The following CCDC7 variants were observed in gnomAD, a reference collection of about 807,000 sequenced individuals.
CCDC7 encodes the protein coiled-coil domain-containing protein 7.
CCDC7 carries 183 observed loss-of-function variants against 196.9 expected under a neutral mutation model. The ratio of observed to expected loss-of-function variants is 0.93; its 90% confidence interval spans 0.82 to 1.05. The LOEUF is 1.05. Among genes scored for constraint, CCDC7 ranks in the 50% least tolerant of loss-of-function variants. The pLI is 0.00. For synonymous variants in CCDC7, 525 were observed against 484.6 expected (o/e 1.08, Z -1.10); for missense variants, 1,540 against 1,482.2 (o/e 1.04, Z -0.64).
chr10:32,782,163 AG>A (rs1388637674), intron 29 of CCDC7, among the ~76,000 whole-genome samples: 4 of 152,210 alleles, frequency 2.6e-5, no homozygotes, highest in Admixed American at 2.0e-4. Flanking sequence ...AAAACAATTA[AG>A]AAGACATAAA....
intron 8 of CCDC7, among the ~76,000 whole-genome samples, chr10:32,482,769 A>G (rs1011793507): frequency 5.3e-5 from 8 of 151,740 alleles, no homozygotes; most frequent in Admixed American, 1.3e-4. Context: ...TGTCCTTGCG[A>G]TAGTTTGCTG....
chr10:32,640,606 A>G (rs528278644), intron 20 of CCDC7, among the ~76,000 whole-genome samples: 1 of 152,204 alleles, frequency 6.6e-6, no homozygotes, highest in Non-Finnish European at 1.5e-5. Flanking sequence ...CCTAGCCTCT[A>G]TGGTCTTTAC....
chr10:32,678,774 G>A (rs528921148), intron 21 of CCDC7, among the ~76,000 whole-genome samples: 1 of 152,300 alleles, frequency 6.6e-6, no homozygotes, highest in African/African-American at 2.4e-5. Flanking sequence ...CTTGGGGAAG[G>A]TGTGACATGA....
rs181375405 is a variant in CCDC7, at chr10:32,755,189, G to A, written c.2906-23788G>A. Among the ~76,000 whole-genome samples the A allele has an allele frequency of 2.0e-3, 298 of 152,308 alleles. 1 individual carries two copies. Among genetic ancestry groups the A allele is most frequent in the Middle Eastern group, 0.01 (3 of 294 alleles). ...TGCCTCTGTAGACTCCACCTCTGGG[G>A]GCAGGGTAGAGCTGAACAAAAGGCA... is the stretch of plus-strand genomic sequence containing the variant. On this transcript the variant is annotated intron_variant, in intron 28 of 41. Coordinates refer to ENST00000639629, the Ensembl canonical transcript of CCDC7.
chr10:32,554,200 C>T (rs190173078), intron 13 of CCDC7, among the ~76,000 whole-genome samples: 4 of 152,320 alleles, frequency 2.6e-5, no homozygotes, highest in East Asian at 3.9e-4. Context: ...TGTTTCCAGA[C>T]GGTGGGCGAG....
chr10:32,560,474 T>C (rs954546024), intron 13 of CCDC7, among the ~76,000 whole-genome samples: 3 of 152,210 alleles, frequency 2.0e-5, no homozygotes, highest in African/African-American at 7.2e-5. Flanking sequence ...AGCGGATCTC[T>C]CAGCAGAAAC....
At chr10:32,546,475 T>A (rs753069625) in intron 13 of CCDC7, among the ~76,000 whole-genome samples, 7 of 152,242 alleles carry the variant, frequency 4.6e-5, no homozygotes, top group African/African-American at 7.2e-5. Context: ...TGTTAATTTC[T>A]TAACAACCAT....
At chr10:32,570,632 C>A (rs887151771) in intron 15 of CCDC7, among the ~76,000 whole-genome samples, 4 of 152,176 alleles carry the variant, frequency 2.6e-5, no homozygotes, top group African/African-American at 7.2e-5. Flanking sequence ...CTGAGCCACA[C>A]TAGGCATAGT....
At chr10:32,628,454 G>A (rs544077138) in intron 18 of CCDC7, among the ~76,000 whole-genome samples, 1 of 151,790 alleles carries the variant, frequency 6.6e-6, no homozygotes, top group Non-Finnish European at 1.5e-5. Context: ...AAAGAATCAA[G>A]TCTTAGTTTC....
chr10:32,466,041 T>C (rs571701744), intron 5 of CCDC7, among the ~76,000 whole-genome samples: 32 of 152,316 alleles, frequency 2.1e-4, no homozygotes, highest in African/African-American at 7.5e-4. Flanking sequence ...TATTGTTGGT[T>C]ACTATCATAT....
At chr10:32,497,960 G>A (rs1043289321) in intron 9 of CCDC7, among the ~76,000 whole-genome samples, 3 of 152,066 alleles carry the variant, frequency 2.0e-5, no homozygotes, top group African/African-American at 7.2e-5. Flanking sequence ...TTAATTTTCT[G>A]TCTCGTTGAT....
intron 20 of CCDC7, among the ~76,000 whole-genome samples, chr10:32,644,212 ATCT>A (rs2067354171): frequency 6.6e-6 from 1 of 152,160 alleles, no homozygotes; most frequent in African/African-American, 2.4e-5. Flanking sequence ...AACATTCAAA[ATCT>A]TCTTGTCTAG....
At chr10:32,543,227 G>T in intron 11 of CCDC7, 73 bp from the exon 13 acceptor site, 1 of 1,221,128 alleles carries the variant, frequency 8.2e-7, no homozygotes, top group South Asian at 2.3e-5. Flanking sequence ...CATTAATAAT[G>T]TATATTATCA....
At chr10:32,853,355 A>T (rs1183723833) in intron 40 of CCDC7, among the ~76,000 whole-genome samples, 1 of 152,196 alleles carries the variant, frequency 6.6e-6, no homozygotes, top group Non-Finnish European at 1.5e-5. Context: ...CTATAATAGC[A>T]TAAAATATTT....
chr10:32,519,949 C>T (rs1016688079), intron 11 of CCDC7, among the ~76,000 whole-genome samples: 22 of 152,164 alleles, frequency 1.4e-4, no homozygotes, highest in African/African-American at 4.8e-4. Context: ...TTAACCCCCA[C>T]GAATAAGTGA....
At chr10:32,829,739 G>A (rs1396626124) in intron 32 of CCDC7, among the ~76,000 whole-genome samples, 2 of 152,150 alleles carry the variant, frequency 1.3e-5, no homozygotes. Flanking sequence ...CTTGATTGGA[G>A]TGAAGGATGC....
chr10:32,847,287 G>A (rs986531668), intron 37 of CCDC7, among the ~76,000 whole-genome samples: 1 of 152,056 alleles, frequency 6.6e-6, no homozygotes, highest in Admixed American at 6.6e-5. Flanking sequence ...AATATACTAC[G>A]GAAACTGTCA....
chr10:32,704,500 A>G (rs991058988), intron 24 of CCDC7, among the ~76,000 whole-genome samples: 1 of 151,968 alleles, frequency 6.6e-6, no homozygotes, highest in Non-Finnish European at 1.5e-5. Context: ...CAGATCTCAA[A>G]CTCCATGCTG....
intron 21 of CCDC7, among the ~76,000 whole-genome samples, chr10:32,674,806 G>A (rs111236967): frequency 1.6e-4 from 25 of 151,828 alleles, no homozygotes; most frequent in African/African-American, 5.8e-4. Context: ...TTGCTCTGTC[G>A]CCCATTTTAA....
Sources: allele counts gnomAD v4.1 joint callset (sites outside exome capture counted in the v4.1 genomes callset), GRCh38; gene constraint gnomAD v4.1.1; transcripts MANE v1.5; gene names NCBI Gene and HGNC (gene_info 2026-07-23, HGNC 2026-07-21).